The following XXYLT1 variants were observed in gnomAD, a reference collection of about 807,000 sequenced individuals.
XXYLT1 encodes the protein xyloside xylosyltransferase 1, also known as UDP-xylose:alpha-xyloside alpha-1,3-xylosyltransferase.
In XXYLT1, 20 loss-of-function variants were observed where a neutral mutation model predicts 28.9. The ratio of observed to expected loss-of-function variants is 0.69; its 90% CI spans 0.49 to 1.00. The LOEUF (loss-of-function observed/expected upper bound fraction) is 1.00, where lower values mean the gene tolerates loss of function less well. Ranked by LOEUF, XXYLT1 falls within the 50% of genes least tolerant of loss-of-function variation. XXYLT1 has a pLI of 0.00. For synonymous variants in XXYLT1, 257 were observed against 253.8 expected, an observed-to-expected ratio of 1.01 and a Z score of -0.12; for missense variants, 542 against 560.1, an observed-to-expected ratio of 0.97 and a Z score of 0.33.
At chr3:195,204,452 G>A (rs376840287) in intron 2 of XXYLT1, among the ~76,000 whole-genome samples, 2,921 of 147,542 alleles carry the variant, frequency 0.02, 39 homozygotes, top group South Asian at 0.037. Flanking sequence ...ACACACACAC[G>A]CACACACACA....
intron 2 of XXYLT1, among the ~76,000 whole-genome samples, chr3:195,177,358 T>G (rs1721720450): frequency 6.6e-6 from 1 of 152,166 alleles, no homozygotes; most frequent in East Asian, 1.9e-4. Flanking sequence ...CTCAAATGAA[T>G]GAATTCAAGA....
chr3:195,175,107 G>A lies in XXYLT1; in HGVS notation c.653-18526C>T, dbSNP rs111271080. Among the ~76,000 whole-genome samples the A allele has an allele frequency of 2.0e-5, 3 of 152,164 alleles. 1 individual carries two copies. In the South Asian group the frequency reaches 6.2e-4, roughly 32 times the overall value. Reference sequence around the variant, plus strand: ...CCCCATTTAAGAAACTTAGAGCAACGATGAAAAAGCTCTACCCCAGAGCAA... The same window carrying A: ...CCCCATTTAAGAAACTTAGAGCAACAATGAAAAAGCTCTACCCCAGAGCAA... On this transcript the variant is annotated intron_variant, in intron 2 of 3. Transcript: ENST00000310380.
intron 2 of XXYLT1, among the ~76,000 whole-genome samples, chr3:195,161,830 C>G (rs796998164): frequency 2.4e-4 from 37 of 152,108 alleles, no homozygotes; most frequent in African/African-American, 8.4e-4. Flanking sequence ...GTTGGCCAGG[C>G]TGGTCTCAAA....
chr3:195,093,570 A>G (rs1245341744), intron 3 of XXYLT1, among the ~76,000 whole-genome samples: 1 of 150,174 alleles, frequency 6.7e-6, no homozygotes, highest in Non-Finnish European at 1.5e-5. Flanking sequence ...TGGGGGATAT[A>G]CCTAATGCTA....
At chr3:195,270,311 G>A (rs1725976318) in intron 1 of XXYLT1, 4 of 929,136 alleles carry the variant, frequency 4.3e-6, no homozygotes, top group Non-Finnish European at 6.0e-6. Context: ...CTTAACTGGG[G>A]GAGAGGAAAA....
chr3:195,153,337 C>T (rs558848175), intron 3 of XXYLT1, among the ~76,000 whole-genome samples: 2 of 152,336 alleles, frequency 1.3e-5, no homozygotes, highest in African/African-American at 4.8e-5. Context: ...CAGCATGAGA[C>T]TGCAAACGTT....
At position 195,210,964 on chromosome 3, in the gene XXYLT1, G is replaced by A. The variant is rs555688865; in HGVS notation, c.652+15745C>T. Among the ~76,000 whole-genome samples the A allele has an allele frequency of 7.2e-4, 109 of 152,302 alleles. No homozygotes were observed. Among genetic ancestry groups the A allele is most frequent in the African/African-American group, 2.5e-3 (103 of 41,548 alleles). ...GGAATCAGAGTTCTCCAGGCTTGGGGAACCATCAAGAAATGGCTATCCCAC... is the reference window on the plus strand; with the variant it reads ...GGAATCAGAGTTCTCCAGGCTTGGGAAACCATCAAGAAATGGCTATCCCAC... On this transcript the variant is annotated intron_variant, in intron 2 of 3. Coordinates refer to ENST00000310380, the MANE Select transcript of XXYLT1 (RefSeq NM_152531.5). The surrounding 1 kb of genome is among the most constrained non-coding windows in gnomAD (Gnocchi z 4.8).
intron 3 of XXYLT1, among the ~76,000 whole-genome samples, chr3:195,135,973 A>G (rs1719173294): frequency 6.6e-6 from 1 of 152,148 alleles, no homozygotes; most frequent in Non-Finnish European, 1.5e-5. Context: ...AGAAGCTATG[A>G]ATGGCCTGGC....
At chr3:195,130,025 G>A (rs1028912395) in intron 3 of XXYLT1, among the ~76,000 whole-genome samples, 1 of 152,122 alleles carries the variant, frequency 6.6e-6, no homozygotes. Flanking sequence ...GATATGAACT[G>A]GTGTCTCACT....
intron 3 of XXYLT1, among the ~76,000 whole-genome samples, chr3:195,111,102 C>T (rs983080161): frequency 1.3e-5 from 2 of 152,040 alleles, no homozygotes; most frequent in African/African-American, 4.8e-5. Flanking sequence ...GCTGCGAGGC[C>T]GAGCCTGTTC....
In XXYLT1 at chr3:195,256,100, A is replaced by T. The variant is rs374972508; in HGVS notation, c.504+14455T>A. ...GGTGGGGCCCCAGCTCTCACAGAGC[A>T]TTCCTGGCTTTGGAGGGACAAGAAC... On this transcript the variant is annotated intron_variant, in intron 1 of 3. Transcript: ENST00000310380. This position sits in a 1 kb window ranked among gnomAD's most constrained non-coding sequence, Gnocchi z 4.2. Among the ~76,000 whole-genome samples, 78 of 152,320 alleles carry T rather than the reference A, an allele frequency of 5.1e-4. 1 individual carries two copies. The East Asian group carries it at 0.01, about 20-fold the overall frequency.
At chr3:195,172,376 G>A (rs1384913297) in intron 2 of XXYLT1, among the ~76,000 whole-genome samples, 1 of 152,198 alleles carries the variant, frequency 6.6e-6, no homozygotes, top group Admixed American at 6.5e-5. Flanking sequence ...CTGAACGTGA[G>A]CACGGTCCCA....
chr3:195,153,296 C>T lies in XXYLT1; in HGVS notation c.785+3153G>A, dbSNP rs186104557. On this transcript the variant is annotated intron_variant, in intron 3 of 3. Coordinates refer to ENST00000310380, the MANE Select transcript of XXYLT1 (RefSeq NM_152531.5). ...GCAAAAAACATGCTCAATTCCTTGT[C>T]GGCCAGCCAGTACCAAGCCATTCCC... Among the ~76,000 whole-genome samples the T allele has an allele frequency of 2.5e-3, 388 of 152,334 alleles. 4 individuals are homozygous for T. Among genetic ancestry groups the T allele is most frequent in the African/African-American group, 8.4e-3 (349 of 41,576 alleles).
intron 2 of XXYLT1, among the ~76,000 whole-genome samples, chr3:195,174,388 G>A (rs1449262774): frequency 6.6e-6 from 1 of 152,048 alleles, no homozygotes; most frequent in Non-Finnish European, 1.5e-5. Context: ...ACCCAGGCTA[G>A]AGTGCAGTGG....
chr3:195,149,019 G>T (rs1019555077), intron 3 of XXYLT1, among the ~76,000 whole-genome samples: 1 of 152,136 alleles, frequency 6.6e-6, no homozygotes, highest in East Asian at 1.9e-4. Context: ...TAATATTGGG[G>T]CATCCAGAAA....
chr3:195,202,149 C>G (rs1353424169), intron 2 of XXYLT1, among the ~76,000 whole-genome samples: 2 of 152,088 alleles, frequency 1.3e-5, no homozygotes, highest in Non-Finnish European at 2.9e-5. Flanking sequence ...TGCACTCCTG[C>G]CTGGGCAACA....
rs573570930 is a variant in XXYLT1, at chr3:195,201,057, T to A, written c.652+25652A>T. On this transcript the variant is annotated intron_variant, in intron 2 of 3. Transcript: ENST00000310380. ...ACTGTATATAAATTTTAACTCAATT[T>A]AAAAAAAATCTCTGAGTGCTGGAAT... Among the ~76,000 whole-genome samples, 437 of 152,156 alleles carry A rather than the reference T, an allele frequency of 2.9e-3. 3 individuals carry two copies. The highest frequency in any genetic ancestry group is 1.0e-2 in the African/African-American group (415 of 41,512).
intron 3 of XXYLT1, among the ~76,000 whole-genome samples, chr3:195,084,022 G>A (rs1163414019): frequency 3.3e-5 from 5 of 151,596 alleles, no homozygotes; most frequent in African/African-American, 7.3e-5. Flanking sequence ...AGTGAAAATC[G>A]GTCTCAAAAA....
chr3:195,121,086 C>G (rs574683562), intron 3 of XXYLT1, among the ~76,000 whole-genome samples: 117 of 152,322 alleles, frequency 7.7e-4, no homozygotes, highest in African/African-American at 2.6e-3. Flanking sequence ...CCCCATGCTC[C>G]CAGGGCCCAA....
Sources: gnomAD v4.1 joint callset for allele counts (sites outside exome capture counted in the v4.1 genomes callset) on GRCh38, gnomAD v4.1.1 for gene constraint, Gnocchi (gnomAD v3.1) non-coding constraint, MANE v1.5 for transcripts, NCBI Gene and HGNC (gene_info 2026-07-23, HGNC 2026-07-21) for gene names.